TTC29: variants seen among roughly 807,000 people sequenced by gnomAD.
TTC29 encodes tetratricopeptide repeat protein 29.
TTC29 carries 49 observed loss-of-function variants against 58.1 expected under a neutral mutation model. The observed-to-expected ratio is 0.84, with a 90% confidence interval of 0.67 to 1.07. The LOEUF (loss-of-function observed/expected upper bound fraction) is 1.07, where lower values mean the gene tolerates loss of function less well. Among genes scored for constraint, TTC29 ranks in the 50% least tolerant of loss-of-function variants. The pLI, the probability that TTC29 is intolerant of heterozygous loss-of-function variation, is 0.00. For missense variants in TTC29, 582 were observed against 555.6 expected (o/e 1.05, Z -0.48); for synonymous variants, 209 against 196.8 (o/e 1.06, Z -0.52).
At chr4:146,855,860 C>T (rs767116423) in intron 8 of TTC29, among the ~76,000 whole-genome samples, 1 of 152,136 alleles carries the variant, frequency 6.6e-6, no homozygotes, top group Non-Finnish European at 1.5e-5. Context: ...GTATGACCCA[C>T]ACACTTATTC....
intron 10 of TTC29, among the ~76,000 whole-genome samples, chr4:146,806,205 G>A (rs571934067): frequency 6.6e-6 from 1 of 152,254 alleles, no homozygotes; most frequent in East Asian, 1.9e-4. Flanking sequence ...GTCACCAACA[G>A]GCCTGCCCTA....
intron 11 of TTC29, among the ~76,000 whole-genome samples, chr4:146,801,351 T>C (rs1050279876): frequency 6.6e-6 from 1 of 152,230 alleles, no homozygotes; most frequent in Admixed American, 6.5e-5. Context: ...CCTGAAAATG[T>C]TAAACCATGC....
At chr4:146,765,730 A>G (rs1335827304) in intron 11 of TTC29, among the ~76,000 whole-genome samples, 1 of 152,172 alleles carries the variant, frequency 6.6e-6, no homozygotes, top group Non-Finnish European at 1.5e-5. Context: ...TTAGACAAGC[A>G]GCCTTCATAA....
chr4:146,808,871 T>C (rs1579723786), intron 10 of TTC29, among the ~76,000 whole-genome samples: 1 of 151,946 alleles, frequency 6.6e-6, no homozygotes, highest in South Asian at 2.1e-4. Flanking sequence ...TCTTCACAGA[T>C]TTAGAAAAAA....
At chr4:146,734,671 G>A (rs988903923) in intron 11 of TTC29, among the ~76,000 whole-genome samples, 1 of 151,974 alleles carries the variant, frequency 6.6e-6, no homozygotes, top group African/African-American at 2.4e-5. Flanking sequence ...CTGCTGCTTG[G>A]TGTATGGGGA....
At chr4:146,833,571 T>TA (rs1728307306) in intron 9 of TTC29, among the ~76,000 whole-genome samples, 1 of 152,136 alleles carries the variant, frequency 6.6e-6, no homozygotes, top group Non-Finnish European at 1.5e-5. Context: ...TCACTAAACT[T>TA]ACAGAAAACC....
intron 4 of TTC29, among the ~76,000 whole-genome samples, chr4:146,912,797 G>A (rs974697468): frequency 4.6e-5 from 7 of 152,036 alleles, no homozygotes; most frequent in Non-Finnish European, 7.4e-5. Context: ...TGCTGGGGGT[G>A]GAACCAGGGT....
At chr4:146,834,363 A>G (rs1728369381) in intron 8 of TTC29, among the ~76,000 whole-genome samples, 1 of 152,198 alleles carries the variant, frequency 6.6e-6, no homozygotes, top group South Asian at 2.1e-4. Context: ...TTAGATGCAT[A>G]GCTCACCGTT....
intron 8 of TTC29, among the ~76,000 whole-genome samples, chr4:146,864,138 T>C (rs1037850194): frequency 6.6e-6 from 1 of 152,126 alleles, no homozygotes; most frequent in Non-Finnish European, 1.5e-5. Flanking sequence ...ACTTGAACTC[T>C]CCTTGAATAC....
At chr4:146,743,105 C>T (rs1010747242) in intron 11 of TTC29, among the ~76,000 whole-genome samples, 1 of 151,440 alleles carries the variant, frequency 6.6e-6, no homozygotes, top group African/African-American at 2.4e-5. Flanking sequence ...CAGGAAGGGC[C>T]AGGAAAAGAC....
At chr4:146,819,675 T>C (rs948392708) in intron 10 of TTC29, among the ~76,000 whole-genome samples, 12 of 152,214 alleles carry the variant, frequency 7.9e-5, no homozygotes, top group African/African-American at 2.7e-4. Context: ...TTCTGCAGAA[T>C]TATTTTTAGG....
At chr4:146,860,384 C>A (rs1214676447) in intron 8 of TTC29, among the ~76,000 whole-genome samples, 1 of 152,114 alleles carries the variant, frequency 6.6e-6, no homozygotes, top group African/African-American at 2.4e-5. Flanking sequence ...TGATACATAT[C>A]TTCCATTGTT....
At chr4:146,922,251 GGAT>G (rs1199999827) in intron 4 of TTC29, among the ~76,000 whole-genome samples, 1 of 144,198 alleles carries the variant, frequency 6.9e-6, no homozygotes, top group Non-Finnish European at 1.5e-5. Flanking sequence ...TTTCAACTCA[GGAT>G]GATAAAAAAA....
intron 10 of TTC29, among the ~76,000 whole-genome samples, chr4:146,813,497 T>A (rs545060130): frequency 7.9e-5 from 12 of 152,332 alleles, no homozygotes; most frequent in African/African-American, 2.9e-4. Context: ...ATAATTACTA[T>A]AATAATTACA....
chr4:146,857,171 T>A (rs1729914037), intron 8 of TTC29, among the ~76,000 whole-genome samples: 1 of 152,160 alleles, frequency 6.6e-6, no homozygotes, highest in Admixed American at 6.6e-5. Flanking sequence ...TTAATGGTTT[T>A]AAAAAACCCT....
chr4:146,706,834 T>C lies in TTC29; in HGVS notation c.*324A>G. On this transcript the variant is annotated 3_prime_UTR_variant, in exon 13 of 13. Coordinates refer to ENST00000325106, the MANE Select transcript of TTC29 (RefSeq NM_031956.4). The stretch of plus-strand genomic sequence containing the variant: ...AGCATGAAAGATTTTCTTAAGCTTG[T>C]AATTATTTTCTCATTAGAAAATATT... The C allele has an allele frequency of 5.2e-6, 1 of 193,770 alleles. No homozygotes were observed. Among genetic ancestry groups the C allele is most frequent in the Non-Finnish European group, 1.0e-5 (1 of 96,082 alleles). The allele number at this position is 193,770 out of a possible 1,614,324, so 12.0% of individuals were successfully genotyped here.
intron 11 of TTC29, among the ~76,000 whole-genome samples, chr4:146,728,968 G>A (rs967441695): frequency 6.7e-6 from 1 of 150,222 alleles, no homozygotes; most frequent in African/African-American, 2.4e-5. Context: ...ACTTTGTTTT[G>A]TTTTCTGCTG....
At chr4:146,867,306 A>T (rs1272409511) in intron 8 of TTC29, among the ~76,000 whole-genome samples, 192 bp downstream of exon 8, 1 of 152,132 alleles carries the variant, frequency 6.6e-6, no homozygotes, top group Non-Finnish European at 1.5e-5. Flanking sequence ...ATACCACTGT[A>T]CCTTCAATAA....
chr4:146,901,040 TG>T (rs71592480), intron 6 of TTC29, among the ~76,000 whole-genome samples: 1 of 151,728 alleles, frequency 6.6e-6, no homozygotes, highest in African/African-American at 2.4e-5. Context: ...CTTCTTTTGG[TG>T]GGGGGGTCAG....
Sources: gnomAD v4.1 joint callset for allele counts (sites outside exome capture counted in the v4.1 genomes callset) on GRCh38, gnomAD v4.1.1 for gene constraint, MANE v1.5 for transcripts, NCBI Gene and HGNC (gene_info 2026-07-23, HGNC 2026-07-21) for gene names.